The following PRKCQ variants were observed in gnomAD, a reference collection of about 807,000 sequenced individuals.
The protein encoded by PRKCQ is protein kinase C theta.
In PRKCQ, 41 loss-of-function variants were observed where a neutral mutation model predicts 91.2. The ratio of observed to expected loss-of-function variants is 0.45; its 90% confidence interval spans 0.35 to 0.58. PRKCQ has a LOEUF of 0.58. PRKCQ is among the 20% of genes least tolerant of loss of function. PRKCQ has a pLI of 0.00. For synonymous variants in PRKCQ, 307 were observed against 316.9 expected (o/e 0.97, Z 0.33); for missense variants, 673 against 896.5 (o/e 0.75, Z 3.18).
chr10:6,430,027 G>A lies in PRKCQ; in HGVS notation c.1965+783C>T, dbSNP rs1833332253. Among the ~76,000 whole-genome samples the A allele has an allele frequency of 6.6e-6, 1 of 152,158 alleles. No individual in the cohort carries two copies. Among genetic ancestry groups the A allele is most frequent in the African/African-American group, 2.4e-5 (1 of 41,436 alleles). On this transcript the variant is annotated intron_variant, in intron 17 of 17. Coordinates refer to ENST00000263125, the MANE Select transcript of PRKCQ (RefSeq NM_006257.5). This position sits in a 1 kb window ranked among gnomAD's most constrained non-coding sequence, Gnocchi z 4.7. ...CCGCAACCATGCCCAGCTAATTTTT[G>A]TATTTTTAGTAGAGACAAGGTTTCA...
chr10:6,451,777 G>A (rs1168008669), intron 15 of PRKCQ, among the ~76,000 whole-genome samples: 1 of 152,106 alleles, frequency 6.6e-6, no homozygotes, highest in East Asian at 1.9e-4. Flanking sequence ...TTCAATATAT[G>A]CAAATCAATA....
chr10:6,458,778 T>A (rs951981335), intron 14 of PRKCQ, among the ~76,000 whole-genome samples: 1 of 152,196 alleles, frequency 6.6e-6, no homozygotes, highest in African/African-American at 2.4e-5. Flanking sequence ...GAAAGTGGCT[T>A]CAAACACATG....
At chr10:6,423,873 C>G (rs1833059894), downstream of PRKCQ, among the ~76,000 whole-genome samples, 1 of 152,178 alleles carries the variant, frequency 6.6e-6, no homozygotes, top group South Asian at 2.1e-4. Context: ...TAATTTCCAC[C>G]AGGCATTCTC....
chr10:6,439,911 A>G (rs940618119), intron 16 of PRKCQ, among the ~76,000 whole-genome samples: 1 of 152,102 alleles, frequency 6.6e-6, no homozygotes, highest in African/African-American at 2.4e-5. Flanking sequence ...GTACTGGCTG[A>G]TATGGTTTGG....
intron 2 of PRKCQ, among the ~76,000 whole-genome samples, chr10:6,513,301 A>C (rs1838579289): frequency 6.6e-6 from 1 of 152,228 alleles, no homozygotes; most frequent in Non-Finnish European, 1.5e-5. Context: ...TTTCAGAACA[A>C]GCCCAAAATA....
chr10:6,396,218 A>T, the PRKCQ span, among the ~76,000 whole-genome samples: 1 of 152,202 alleles, frequency 6.6e-6, no homozygotes, highest in Admixed American at 6.5e-5. Flanking sequence ...AAACTTGGCT[A>T]AAACTAAGGC....
intron 1 of PRKCQ, among the ~76,000 whole-genome samples, chr10:6,572,212 TG>T (rs1174757043): frequency 6.6e-6 from 1 of 152,196 alleles, no homozygotes; most frequent in Non-Finnish European, 1.5e-5. Context: ...GCCATAGGTA[TG>T]TAATTTTCTT....
At chr10:6,548,045 A>C (rs967165464) in intron 1 of PRKCQ, among the ~76,000 whole-genome samples, 57 of 152,204 alleles carry the variant, frequency 3.7e-4, no homozygotes, top group African/African-American at 1.3e-3. Flanking sequence ...AGAAAAAAAC[A>C]AACAACCCCA....
chr10:6,559,349 T>C (rs1157220293), intron 1 of PRKCQ, among the ~76,000 whole-genome samples: 1 of 152,012 alleles, frequency 6.6e-6, no homozygotes, highest in African/African-American at 2.4e-5. Flanking sequence ...TTCTAGATCA[T>C]CTAGTGACTC....
At chr10:6,451,994 G>A (rs1397578746) in intron 15 of PRKCQ, among the ~76,000 whole-genome samples, 1 of 152,140 alleles carries the variant, frequency 6.6e-6, no homozygotes, top group African/African-American at 2.4e-5. Flanking sequence ...AAAACTGGAA[G>A]CATTCCCTTT....
At chr10:6,411,882 G>T in the PRKCQ span, among the ~76,000 whole-genome samples, 1 of 152,168 alleles carries the variant, frequency 6.6e-6, no homozygotes, top group Non-Finnish European at 1.5e-5. Flanking sequence ...ATATAATGAT[G>T]ATGATGATAG....
At chr10:6,520,964 C>A (rs146565586) in intron 1 of PRKCQ, among the ~76,000 whole-genome samples, 4 of 152,196 alleles carry the variant, frequency 2.6e-5, no homozygotes, top group African/African-American at 9.7e-5. Flanking sequence ...CTCCTCAGAA[C>A]GAGTGCATTT....
intron 1 of PRKCQ, 79 bp from the exon 2 acceptor site, chr10:6,515,223 G>C (rs896991141): frequency 6.3e-7 from 1 of 1,595,038 alleles, no homozygotes; most frequent in Non-Finnish European, 8.5e-7. Flanking sequence ...TACTTAACCA[G>C]TGCTTTATCA....
chr10:6,449,512 G>C (rs1834527639), intron 15 of PRKCQ, among the ~76,000 whole-genome samples: 1 of 152,100 alleles, frequency 6.6e-6, no homozygotes, highest in South Asian at 2.1e-4. Context: ...ACACTCTGCA[G>C]GATATTATCC....
Position 6,509,409 on chromosome 10 carries a change from TTAGG to T in PRKCQ, c.318+1582_318+1585del, listed in dbSNP as rs1301428191. On this transcript the variant is annotated intron_variant, in intron 3 of 17. Transcript: ENST00000263125. ...AATTGACGACTCTTTAAAAAAAAAA[TTAGG>T]TAGACCAAATAAACTGGTCTTCCTC... Among the ~76,000 whole-genome samples the T allele has an allele frequency of 2.0e-5, 3 of 152,112 alleles. No individual in the cohort carries two copies. The East Asian group carries it at 5.8e-4, about 29-fold the overall frequency.
chr10:6,490,046 G>A (rs1837195532), intron 8 of PRKCQ, among the ~76,000 whole-genome samples: 1 of 152,040 alleles, frequency 6.6e-6, no homozygotes, highest in South Asian at 2.1e-4. Flanking sequence ...GGGACACTAC[G>A]TTTTGTCTCT....
At chr10:6,485,743 A>G (rs1428820889) in intron 9 of PRKCQ, among the ~76,000 whole-genome samples, 1 of 152,256 alleles carries the variant, frequency 6.6e-6, no homozygotes, top group Non-Finnish European at 1.5e-5. Flanking sequence ...GAATATATTC[A>G]CATAAAGCTG....
At chr10:6,517,588 CTTTTTTTTT>C (rs56306878) in intron 1 of PRKCQ, among the ~76,000 whole-genome samples, 40 of 49,490 alleles carry the variant, frequency 8.1e-4, no homozygotes, top group African/African-American at 2.7e-3. Flanking sequence ...AAGATAGCAT[CTTTTTTTTT>C]TTTTTTTTTT....
chr10:6,498,254 G>A (rs955165970), intron 5 of PRKCQ, 142 bp downstream of exon 5: 2 of 1,107,528 alleles, frequency 1.8e-6, no homozygotes, highest in Non-Finnish European at 2.6e-6. Flanking sequence ...AACCTTCTCA[G>A]TTCAGGCAAG....
Sources: allele counts gnomAD v4.1 joint callset (sites outside exome capture counted in the v4.1 genomes callset), GRCh38; gene constraint gnomAD v4.1.1; non-coding constraint Gnocchi (gnomAD v3.1); transcripts MANE v1.5; gene names NCBI Gene and HGNC (gene_info 2026-07-23, HGNC 2026-07-21).